The following ZC3H12B variants were observed in gnomAD, a reference collection of about 807,000 sequenced individuals.
ZC3H12B encodes probable ribonuclease ZC3H12B.
ZC3H12B carries 7 observed loss-of-function variants against 43.9 expected under a neutral mutation model. The observed-to-expected ratio is 0.16, with a 90% CI of 0.09 to 0.30. The LOEUF is 0.30. Among genes scored for constraint, ZC3H12B ranks in the 10% least tolerant of loss-of-function variants. The pLI is 1.00. For missense variants in ZC3H12B, 475 were observed against 670.2 expected, an observed-to-expected ratio of 0.71 and a Z score of 3.22; for synonymous variants, 222 against 241.7, an observed-to-expected ratio of 0.92 and a Z score of 0.76.
intron 3 of ZC3H12B, among the ~76,000 whole-genome samples, chrX:65,414,440 T>C (rs1018167786): frequency 5.4e-5 from 6 of 111,686 alleles, no homozygotes; most frequent in African/African-American, 1.3e-4. Context: ...TCTATTGCCT[T>C]CTTGATTTTT....
the ZC3H12B span, among the ~76,000 whole-genome samples, chrX:65,188,445 G>A: frequency 1.9e-5 from 2 of 103,642 alleles, no homozygotes; most frequent in African/African-American, 7.2e-5. Flanking sequence ...AGTGTACAAC[G>A]TTTCCCTTTC....
the ZC3H12B span, among the ~76,000 whole-genome samples, chrX:65,190,079 C>G: frequency 3.6e-5 from 4 of 111,313 alleles, no homozygotes; most frequent in African/African-American, 6.6e-5. Context: ...GCTTGTTTTT[C>G]TCAGGTTTGT....
At chrX:65,211,568 AAAGTC>A in the ZC3H12B span, among the ~76,000 whole-genome samples, 1 of 102,492 alleles carries the variant, frequency 9.8e-6, no homozygotes, top group Non-Finnish European at 2.0e-5. Context: ...TAACTTGCTC[AAAGTC>A]ATACATCTAG....
At chrX:65,351,932 A>G in the ZC3H12B span, among the ~76,000 whole-genome samples, 1 of 112,508 alleles carries the variant, frequency 8.9e-6, no homozygotes, top group Non-Finnish European at 1.9e-5. Flanking sequence ...ATCTAGAACC[A>G]GAAATAACAT....
intron 3 of ZC3H12B, among the ~76,000 whole-genome samples, chrX:65,458,138 C>A (rs1364543246): frequency 1.2e-5 from 1 of 86,851 alleles, no homozygotes; most frequent in African/African-American, 4.3e-5. Context: ...GTAAAGGGAT[C>A]AATTCAACAA....
intron 3 of ZC3H12B, among the ~76,000 whole-genome samples, chrX:65,453,394 ATATATATAT>A (rs1569414428): frequency 8.9e-4 from 79 of 88,761 alleles, no homozygotes; most frequent in African/African-American, 2.8e-3. Context: ...ATATATATAT[ATATATATAT>A]AAAATAGAAT....
intron 4 of ZC3H12B, 121 bp downstream of exon 9, chrX:65,500,110 G>T (rs2068343756): frequency 1.8e-6 from 1 of 545,430 alleles, no homozygotes; most frequent in Non-Finnish European, 3.1e-6. Context: ...CTGTCTTTGA[G>T]TTAAAGTTTG....
the ZC3H12B span, among the ~76,000 whole-genome samples, chrX:65,118,618 A>G: frequency 9.0e-6 from 1 of 111,018 alleles, no homozygotes; most frequent in Admixed American, 9.6e-5. Context: ...GAGTGGTGAG[A>G]GAGGACATAC....
chrX:65,054,932 G>T, the ZC3H12B span, among the ~76,000 whole-genome samples: 1 of 111,717 alleles, frequency 9.0e-6, no homozygotes, highest in Non-Finnish European at 1.9e-5. Flanking sequence ...TTTGCACATT[G>T]ATTTTGTATC....
At chrX:65,307,802 C>T in the ZC3H12B span, among the ~76,000 whole-genome samples, 1 of 111,729 alleles carries the variant, frequency 9.0e-6, no homozygotes, top group African/African-American at 3.2e-5. Context: ...TTGTTGGAAT[C>T]AGTGATAAAC....
chrX:65,364,370 T>C (rs2066144699), upstream of ZC3H12B, among the ~76,000 whole-genome samples: 1 of 104,915 alleles, frequency 9.5e-6, no homozygotes, highest in Non-Finnish European at 1.9e-5. Context: ...ATCATTAGTA[T>C]CTCTTTAATA....
the ZC3H12B span, among the ~76,000 whole-genome samples, chrX:65,113,679 T>C: frequency 9.1e-6 from 1 of 110,102 alleles, no homozygotes; most frequent in African/African-American, 3.3e-5. Context: ...GCCACAGCAC[T>C]CCAACCTTCA....
the ZC3H12B span, among the ~76,000 whole-genome samples, chrX:65,189,012 G>A: frequency 3.2e-4 from 29 of 90,850 alleles, no homozygotes; most frequent in South Asian, 5.8e-4. Context: ...TGATCTCATT[G>A]TTCAATTCTC....
At position 65,498,924 on chromosome X, in the gene ZC3H12B, T is replaced by C. The variant is rs112990673; in HGVS notation, c.749-75T>C. 1.5e-3 allele frequency: 1,314 copies of C among 869,331 alleles called. 11 individuals are homozygous for C. The African/African-American group carries it at 0.024, about 16-fold the overall frequency. 71.6% of individuals were successfully genotyped at this position (869,331 alleles called of 1,213,427 possible). A position where few individuals can be genotyped will look rare whatever the true frequency, so the allele number is the denominator to read the frequency against. The stretch of plus-strand genomic sequence containing the variant: ...TCTTCATCCAGTACCAACTTTTGCA[T>C]TTTTAATATTGGGGTAATACTGTTA... On this transcript the variant is annotated intron_variant, in intron 2 of 4. Transcript: ENST00000338957.
the ZC3H12B span, among the ~76,000 whole-genome samples, chrX:65,094,126 C>T: frequency 2.6e-4 from 29 of 110,269 alleles, no homozygotes; most frequent in African/African-American, 9.3e-4. Context: ...TCTCCTGCTC[C>T]AGCCATGAGA....
chrX:65,499,004 G>C, exon 3 of ZC3H12B: 2 of 1,197,878 alleles, frequency 1.7e-6, no homozygotes, highest in Non-Finnish European at 2.3e-6. Context: ...GACAGATCAA[G>C]ATATTCTACG....
At chrX:65,269,042 CAT>C in the ZC3H12B span, among the ~76,000 whole-genome samples, 15 of 111,828 alleles carry the variant, frequency 1.3e-4, no homozygotes, top group African/African-American at 4.5e-4. Context: ...ACAAAATCAA[CAT>C]AGAAAAATCA....
Position 65,472,590 on chromosome X carries a change from G to T in ZC3H12B, n.408-16056G>T, listed in dbSNP as rs183875842. Among the ~76,000 whole-genome samples the T allele has an allele frequency of 6.5e-5, 7 of 107,445 alleles. No homozygotes were observed. In the East Asian group the frequency reaches 1.8e-3, roughly 27 times the overall value. The allele number at this position is 107,445 out of a possible 115,157, so 93.3% of individuals were successfully genotyped here. ...TTAAGTCTTTAATCCAATTTGAGTTGGTTTTTGTATAGTATGAGATAATAG... is the reference window on the plus strand; with the variant it reads ...TTAAGTCTTTAATCCAATTTGAGTTTGTTTTTGTATAGTATGAGATAATAG... On this transcript the variant is annotated intron_variant and non_coding_transcript_variant, in intron 3 of 5. Transcript: ENST00000617377.
the ZC3H12B span, chrX:65,357,015 T>A: frequency 1.8e-6 from 1 of 550,818 alleles, no homozygotes; most frequent in African/African-American, 2.2e-5. Flanking sequence ...TGTTGTTACC[T>A]GGACCTAAAA....
Sources: gnomAD v4.1 joint callset for allele counts (sites outside exome capture counted in the v4.1 genomes callset) on GRCh38, gnomAD v4.1.1 for gene constraint, MANE v1.5 for transcripts, NCBI Gene and HGNC (gene_info 2026-07-23, HGNC 2026-07-21) for gene names.